SLIT3: variants seen among roughly 807,000 people sequenced by gnomAD.
The protein encoded by SLIT3 is slit homolog 3 protein.
A neutral mutation model predicts 184.0 loss-of-function variants in SLIT3; 68 were observed. The observed-to-expected ratio is 0.37, with a 90% CI of 0.30 to 0.45. The LOEUF is 0.45. Among genes scored for constraint, SLIT3 ranks in the 20% least tolerant of loss-of-function variants. SLIT3 has a pLI of 1.00. For synonymous variants in SLIT3, 831 were observed against 828.6 expected (o/e 1.00, Z -0.05); for missense variants, 1,707 against 2,026.0 (o/e 0.84, Z 3.02).
At chr5:169,279,346 C>T (rs1766919435) in intron 1 of SLIT3, among the ~76,000 whole-genome samples, 1 of 152,188 alleles carries the variant, frequency 6.6e-6, no homozygotes, top group Non-Finnish European at 1.5e-5. Context: ...TAGGTGCTTT[C>T]CCCACATCCT....
chr5:168,915,771 G>C (rs556002059), intron 4 of SLIT3, among the ~76,000 whole-genome samples: 61 of 152,164 alleles, frequency 4.0e-4, no homozygotes, highest in African/African-American at 1.3e-3. Context: ...CTGCTGTATG[G>C]AACCGCATCG....
At chr5:169,217,506 A>G (rs1207490237) in intron 3 of SLIT3, among the ~76,000 whole-genome samples, 1 of 152,186 alleles carries the variant, frequency 6.6e-6, no homozygotes, top group African/African-American at 2.4e-5. Flanking sequence ...CCAGGAGAAC[A>G]TGACACCATT....
intron 4 of SLIT3, among the ~76,000 whole-genome samples, chr5:168,975,695 C>G (rs1754730421): frequency 6.6e-6 from 1 of 152,182 alleles, no homozygotes. Flanking sequence ...GATTCTGTTT[C>G]TTACATTCTT....
intron 4 of SLIT3, among the ~76,000 whole-genome samples, chr5:169,137,331 C>CAGAGAG (rs766822479): frequency 7.9e-4 from 104 of 132,090 alleles, no homozygotes; most frequent in Middle Eastern, 7.8e-3. Context: ...CACACACACA[C>CAGAGAG]ACACAGAGAG....
chr5:169,146,013 T>C lies in SLIT3; in HGVS notation c.413+47466A>G, dbSNP rs886892668. 2.2e-4 allele frequency among the ~76,000 whole-genome samples: 33 copies of C among 152,220 alleles called. No homozygotes were observed. In the South Asian group the frequency reaches 3.3e-3, roughly 15 times the overall value. ...CTGCAGTGAGCCGAGATCGCACCACTCCACTCCAGCCTGGGCAACAGAGCA... is the reference window on the plus strand; with the variant it reads ...CTGCAGTGAGCCGAGATCGCACCACCCCACTCCAGCCTGGGCAACAGAGCA... On this transcript the variant is annotated intron_variant, in intron 4 of 35. Transcript: ENST00000519560.
At chr5:169,187,132 T>TTTTTA (rs11393168) in intron 4 of SLIT3, among the ~76,000 whole-genome samples, 1 of 142,034 alleles carries the variant, frequency 7.0e-6, no homozygotes, top group African/African-American at 2.6e-5. Context: ...TTTTTTTTTT[T>TTTTTA]GAGACGGAGT....
At chr5:168,893,686 C>G (rs554281133) in intron 4 of SLIT3, among the ~76,000 whole-genome samples, 6 of 152,232 alleles carry the variant, frequency 3.9e-5, no homozygotes, top group African/African-American at 1.4e-4. Context: ...TGCCAAAAAG[C>G]TTTTGCAATT....
chr5:168,765,172 G>A (rs1163675679), intron 14 of SLIT3, among the ~76,000 whole-genome samples: 1 of 152,170 alleles, frequency 6.6e-6, no homozygotes, highest in Non-Finnish European at 1.5e-5. Context: ...GCACCGGCTG[G>A]GCTGTGGCTG....
rs370267294 is a variant in SLIT3, at chr5:169,227,944, G to A, written c.341+16761C>T. ...AAATATCAGCATTTTGGCAATACAG[G>A]TGGGGGCACTCTGCAATCTTCCAAC... On this transcript the variant is annotated intron_variant, in intron 3 of 35. Transcript: ENST00000519560. Among the ~76,000 whole-genome samples, 66 of 152,248 alleles carry A rather than the reference G, an allele frequency of 4.3e-4. 1 individual carries two copies. In the South Asian group the frequency reaches 0.013, roughly 31 times the overall value.
At position 169,091,482 on chromosome 5, in the gene SLIT3, G is replaced by T. The variant is rs565279643; in HGVS notation, c.413+101997C>A. Among the ~76,000 whole-genome samples, 10 of 152,340 alleles carry T rather than the reference G, an allele frequency of 6.6e-5. 1 individual carries two copies. In the South Asian group the frequency reaches 1.9e-3, roughly 28 times the overall value. On this transcript the variant is annotated intron_variant, in intron 4 of 35. Coordinates refer to ENST00000519560, the MANE Select transcript of SLIT3 (RefSeq NM_003062.4). Reference sequence around the variant, plus strand: ...ACTCATGGCCATGGGCCAGGTCAAAGTTCCTCTGGAGTCCCCCATGTTAAC... The same window carrying T: ...ACTCATGGCCATGGGCCAGGTCAAATTTCCTCTGGAGTCCCCCATGTTAAC...
intron 4 of SLIT3, among the ~76,000 whole-genome samples, chr5:169,060,162 G>A (rs543997301): frequency 1.2e-4 from 18 of 152,308 alleles, no homozygotes; most frequent in Middle Eastern, 3.4e-3. Context: ...GGCCAAGGCC[G>A]GTGAATCATC....
intron 4 of SLIT3, among the ~76,000 whole-genome samples, chr5:169,118,179 A>G (rs1373048945): frequency 6.6e-6 from 1 of 152,216 alleles, no homozygotes; most frequent in African/African-American, 2.4e-5. Context: ...CCTTGTCTCT[A>G]AAGAAATTTG....
chr5:169,205,206 G>A (rs1264408307), intron 3 of SLIT3, among the ~76,000 whole-genome samples: 1 of 152,186 alleles, frequency 6.6e-6, no homozygotes, highest in Admixed American at 6.5e-5. Context: ...GACAGGGCAT[G>A]GCGCTGGGGC....
chr5:169,045,879 AC>A (rs1314180215), intron 4 of SLIT3, among the ~76,000 whole-genome samples: 1 of 152,132 alleles, frequency 6.6e-6, no homozygotes, highest in East Asian at 1.9e-4. Flanking sequence ...CATTCATTTC[AC>A]CCACTACATT....
At chr5:168,723,186 C>T (rs1233357679) in intron 21 of SLIT3, among the ~76,000 whole-genome samples, 182 bp from the exon 22 acceptor site, 1 of 152,046 alleles carries the variant, frequency 6.6e-6, no homozygotes, top group African/African-American at 2.4e-5. Context: ...TATCTACTCT[C>T]CTGCTCACCC....
At chr5:168,971,241 C>G (rs1280400305) in intron 4 of SLIT3, among the ~76,000 whole-genome samples, 2 of 152,206 alleles carry the variant, frequency 1.3e-5, no homozygotes, top group Admixed American at 1.3e-4. Context: ...GCATGAATCA[C>G]CTGAGATCAC....
At chr5:169,240,029 T>A (rs1213798556) in intron 3 of SLIT3, among the ~76,000 whole-genome samples, 1 of 152,090 alleles carries the variant, frequency 6.6e-6, no homozygotes, top group East Asian at 1.9e-4. Flanking sequence ...GTTCTTCAAC[T>A]CGGAGTATTT....
chr5:169,087,709 G>A (rs1759366921), intron 4 of SLIT3, among the ~76,000 whole-genome samples: 1 of 152,144 alleles, frequency 6.6e-6, no homozygotes, highest in Non-Finnish European at 1.5e-5. Flanking sequence ...GGTTTTTGTA[G>A]TACAGTTACA....
intron 5 of SLIT3, among the ~76,000 whole-genome samples, chr5:168,855,842 TC>T (rs1185762518): frequency 6.6e-6 from 1 of 152,088 alleles, no homozygotes; most frequent in Non-Finnish European, 1.5e-5. Context: ...TGACATTTTT[TC>T]CCCCTGAGTC....
Sources: allele counts gnomAD v4.1 joint callset (sites outside exome capture counted in the v4.1 genomes callset), GRCh38; gene constraint gnomAD v4.1.1; transcripts MANE v1.5; gene names NCBI Gene and HGNC (gene_info 2026-07-23, HGNC 2026-07-21).